Variants in TRDN observed in about 807,000 individuals in gnomAD.
TRDN encodes the protein triadin in skeletal muscle.
Under a neutral mutation model 149.7 loss-of-function variants are expected in TRDN, and 161 were observed. The ratio of observed to expected loss-of-function variants is 1.08; its 90% CI spans 0.95 to 1.23. TRDN has a LOEUF of 1.23. TRDN is among the 50% of genes most tolerant of loss of function. TRDN has a pLI of 0.00. For synonymous variants in TRDN, 294 were observed against 250.5 expected (o/e 1.17, Z -1.64); for missense variants, 896 against 823.5 (o/e 1.09, Z -1.08).
At chr6:123,279,916 AT>A (rs1397135645) in intron 24 of TRDN, among the ~76,000 whole-genome samples, 7 of 152,130 alleles carry the variant, frequency 4.6e-5, no homozygotes, top group African/African-American at 1.4e-4. Context: ...CAGGGGTCTA[AT>A]TACTCCTCAT....
chr6:123,278,385 G>C (rs974165363), intron 25 of TRDN, 38 bp from the exon 26 acceptor site: 2 of 1,158,254 alleles, frequency 1.7e-6, no homozygotes. Flanking sequence ...AATGATTATA[G>C]AAAGATATTC....
chr6:123,237,515 TG>T (rs1293436625), intron 38 of TRDN, among the ~76,000 whole-genome samples: 27 of 152,310 alleles, frequency 1.8e-4, no homozygotes, highest in African/African-American at 6.3e-4. Context: ...CCCAAACTGC[TG>T]GGATTACAGG....
intron 1 of TRDN, among the ~76,000 whole-genome samples, chr6:123,590,143 C>A (rs1783709120): frequency 6.6e-6 from 1 of 152,174 alleles, no homozygotes; most frequent in Admixed American, 6.5e-5. Flanking sequence ...GGTCACACAG[C>A]AGGAGGTGAG....
intron 21 of TRDN, among the ~76,000 whole-genome samples, chr6:123,338,983 C>A (rs994050985): frequency 6.6e-6 from 1 of 151,958 alleles, no homozygotes; most frequent in Non-Finnish European, 1.5e-5. Context: ...ATTTTAATTG[C>A]ATAACTGTAA....
intron 21 of TRDN, 67 bp from the exon 22 acceptor site, chr6:123,337,736 C>T: frequency 2.1e-6 from 2 of 950,316 alleles, no homozygotes; most frequent in South Asian, 3.4e-5. Context: ...CAAGTCTCTT[C>T]ATGTGTTTTG....
intron 16 of TRDN, among the ~76,000 whole-genome samples, chr6:123,380,149 C>T (rs1026130247): frequency 1.3e-5 from 2 of 152,042 alleles, no homozygotes; most frequent in Non-Finnish European, 2.9e-5. Context: ...TATTGCTGCC[C>T]GAGTCACAAT....
intron 14 of TRDN, among the ~76,000 whole-genome samples, chr6:123,384,560 A>G (rs1317206855): frequency 6.6e-6 from 1 of 152,240 alleles, no homozygotes; most frequent in Non-Finnish European, 1.5e-5. Context: ...GGAATGGAAT[A>G]TGTACAGAAA....
intron 15 of TRDN, 94 bp from the exon 16 acceptor site, chr6:123,381,484 C>A: frequency 8.3e-7 from 1 of 1,205,042 alleles, no homozygotes; most frequent in South Asian, 1.4e-5. Flanking sequence ...TTTCCCACCC[C>A]TCCTTCCAAT....
intron 21 of TRDN, among the ~76,000 whole-genome samples, chr6:123,341,469 T>C (rs1780060437): frequency 6.6e-6 from 1 of 151,892 alleles, no homozygotes; most frequent in Non-Finnish European, 1.5e-5. Flanking sequence ...CTTTTTAAAC[T>C]TGGGACTTTT....
intron 4 of TRDN, among the ~76,000 whole-genome samples, chr6:123,542,958 A>T (rs1780925255): frequency 9.6e-6 from 1 of 104,576 alleles, no homozygotes; most frequent in Non-Finnish European, 2.1e-5. Context: ...AATTAAGGGA[A>T]TTAAAATTTA....
chr6:123,590,976 G>A (rs1302039076), intron 1 of TRDN, among the ~76,000 whole-genome samples: 4 of 152,018 alleles, frequency 2.6e-5, no homozygotes, highest in Non-Finnish European at 5.9e-5. Context: ...AGTAGCCCAA[G>A]CGCTTTGATA....
At chr6:123,343,704 C>T (rs1055376984) in intron 21 of TRDN, among the ~76,000 whole-genome samples, 3 of 151,864 alleles carry the variant, frequency 2.0e-5, no homozygotes, top group African/African-American at 7.2e-5. Context: ...AACTAACCTG[C>T]ACATTGTGCA....
At chr6:123,253,801 A>T (rs1001712076) in intron 37 of TRDN, among the ~76,000 whole-genome samples, 1 of 152,124 alleles carries the variant, frequency 6.6e-6, no homozygotes, top group Non-Finnish European at 1.5e-5. Context: ...TGAGTTACAG[A>T]GGTTTCCTCA....
At chr6:123,272,941 T>C (rs754547663) in intron 29 of TRDN, 23 bp downstream of exon 29, 1 of 1,499,746 alleles carries the variant, frequency 6.7e-7, no homozygotes, top group African/African-American at 1.4e-5. Flanking sequence ...TATTTGAGAC[T>C]ACAAATACCA....
chr6:123,224,026 AAAGAC>A, intron 39 of TRDN, 62 bp downstream of exon 39: 1 of 1,484,178 alleles, frequency 6.7e-7, no homozygotes, highest in Non-Finnish European at 9.2e-7. Flanking sequence ...AAAAAAAAAA[AAAGAC>A]AGACAAAAAC....
intron 38 of TRDN, among the ~76,000 whole-genome samples, chr6:123,237,230 C>G (rs142177728): frequency 6.6e-6 from 1 of 151,920 alleles, no homozygotes; most frequent in Non-Finnish European, 1.5e-5. Flanking sequence ...AATGAGTTTT[C>G]TGTATTAACT....
intron 12 of TRDN, among the ~76,000 whole-genome samples, chr6:123,433,755 T>C (rs1407438361): frequency 6.6e-6 from 1 of 152,160 alleles, no homozygotes; most frequent in Non-Finnish European, 1.5e-5. Context: ...TATAAGATGA[T>C]GACAAATTTA....
intron 1 of TRDN, among the ~76,000 whole-genome samples, chr6:123,579,305 G>T (rs1254937094): frequency 6.6e-6 from 1 of 151,884 alleles, no homozygotes; most frequent in Non-Finnish European, 1.5e-5. Context: ...ATTATTTTGA[G>T]GTATGTTCCT....
chr6:123,263,941 G>A (rs1407886343), intron 33 of TRDN, among the ~76,000 whole-genome samples: 4 of 152,014 alleles, frequency 2.6e-5, no homozygotes, highest in Admixed American at 1.3e-4. Context: ...GCCCACTGTT[G>A]AGACCTACTG....
Sources: allele counts gnomAD v4.1 joint callset (sites outside exome capture counted in the v4.1 genomes callset), GRCh38; gene constraint gnomAD v4.1.1; transcripts MANE v1.5; gene names NCBI Gene and HGNC (gene_info 2026-07-23, HGNC 2026-07-21).